Variants in RASSF6 observed in about 807,000 individuals in gnomAD.
The protein encoded by RASSF6 is ras association domain-containing protein 6.
A neutral mutation model predicts 44.0 loss-of-function variants in RASSF6; 52 were observed. That is an observed-to-expected ratio of 1.18 (90% CI 0.95 to 1.49). The LOEUF (loss-of-function observed/expected upper bound fraction) is 1.49, where lower values mean the gene tolerates loss of function less well. Among genes scored for constraint, RASSF6 ranks in the 40% most tolerant of loss-of-function variants. The pLI is 0.00. For synonymous variants in RASSF6, 162 were observed against 124.6 expected, an observed-to-expected ratio of 1.30 and a Z score of -2.00; for missense variants, 464 against 393.3, an observed-to-expected ratio of 1.18 and a Z score of -1.52.
intron 2 of RASSF6, among the ~76,000 whole-genome samples, chr4:73,608,624 T>C (rs1466859154): frequency 6.6e-6 from 1 of 152,246 alleles, no homozygotes. Flanking sequence ...AAATATGCGA[T>C]TAAAATCCTC....
At chr4:73,604,884 C>CTTTT (rs35609056) in intron 2 of RASSF6, among the ~76,000 whole-genome samples, 10 of 138,332 alleles carry the variant, frequency 7.2e-5, no homozygotes, top group Non-Finnish European at 7.7e-5. Context: ...CATTTTCTTT[C>CTTTT]TTTTTTTTTT....
rs200760712 is a variant in RASSF6 at position 73,611,886 on chromosome 4, T to G, written c.-34-57A>C. On this transcript the variant is annotated intron_variant, in intron 1 of 10. Transcript: ENST00000307439. ...CCTATAATGCATTAAAAAATTAGTT[T>G]CTGATTTAAGTTGAGTGTTTTGTTG... The G allele has an allele frequency of 4.8e-6, 6 of 1,238,796 alleles. No homozygotes were observed. The East Asian group carries it at 1.2e-4, about 24-fold the overall frequency. 76.7% of individuals were successfully genotyped at this position (1,238,796 alleles called of 1,614,324 possible). A position where few individuals can be genotyped will look rare whatever the true frequency, so the allele number is the denominator to read the frequency against.
In RASSF6 at chr4:73,598,715, T is replaced by C; in HGVS notation, c.69A>G (p.Glu23=). ...AGGTCTTCAATAAAGAATTAAGTTG[T>C]TCCCTAAAAATAAAAAAAAATTAAT... ...FINEKTFITR[E]QLNSLLKTYN... The change falls in exon 3 of 11, where the codon GAA becomes GAG. Residue 23 remains glutamate, a synonymous_variant. Transcript: ENST00000307439. 2.4e-6 allele frequency: 3 copies of C among 1,252,620 alleles called. No homozygotes were observed. Among genetic ancestry groups the C allele is most frequent in the Non-Finnish European group, 3.2e-6 (3 of 938,630 alleles). 77.6% of individuals were successfully genotyped at this position (1,252,620 alleles called of 1,614,324 possible). A position where few individuals can be genotyped will look rare whatever the true frequency, so the allele number is the denominator to read the frequency against.
At chr4:73,590,762 G>C (rs1302539598) in intron 4 of RASSF6, among the ~76,000 whole-genome samples, 2 of 152,166 alleles carry the variant, frequency 1.3e-5, no homozygotes, top group Non-Finnish European at 2.9e-5. Context: ...GTATGTAAAA[G>C]GAATGGGATC....
At chr4:73,595,033 G>A (rs1724834402) in intron 3 of RASSF6, among the ~76,000 whole-genome samples, 1 of 152,090 alleles carries the variant, frequency 6.6e-6, no homozygotes, top group Non-Finnish European at 1.5e-5. Flanking sequence ...TCCAAGGACT[G>A]CCCCTTTTAA....
intron 2 of RASSF6, among the ~76,000 whole-genome samples, chr4:73,605,803 TA>T (rs1248787647): frequency 2.0e-4 from 31 of 152,342 alleles, no homozygotes; most frequent in African/African-American, 7.5e-4. Flanking sequence ...GACTTTTTTA[TA>T]AAAGCCATTC....
rs772838586 is a variant in RASSF6, at chr4:73,581,820, C to T, written c.718G>A (p.Gly240Arg). 21 of 1,607,428 alleles carry T rather than the reference C, an allele frequency of 1.3e-5. 1 individual carries two copies. The South Asian group carries it at 2.3e-4, about 18-fold the overall frequency. The part of the protein sequence containing the change: ...DFALHIIFAT[G>R]EQRRLKKTDI... ...AAGTGTGATCAAGCTTTCTTACCTCCTGTTGCAAAAATAATGTGAAGAGCA... is the reference window on the plus strand; with the variant it reads ...AAGTGTGATCAAGCTTTCTTACCTCTTGTTGCAAAAATAATGTGAAGAGCA... The change falls in exon 8 of 11, where the codon GGA becomes AGA. Residue 240 changes from glycine (G) to arginine (R), a missense_variant. By Grantham distance (125) the Gly-to-Arg change is moderately radical (BLOSUM62 -2). Coordinates refer to ENST00000307439, the MANE Select transcript of RASSF6 (RefSeq NM_177532.5).
chr4:73,598,656 T>G lies in RASSF6; in HGVS notation c.128A>C (p.His43Pro), dbSNP rs1725090149. Residue 43 changes from histidine (H) to proline (P), a missense_variant, in exon 3 of 11, where the codon CAT becomes CCT. Coordinates refer to ENST00000307439, the MANE Select transcript of RASSF6 (RefSeq NM_177532.5). ...TGGGCTTACCTCTCCATATAAAATA[T>G]GCAGATTTTTCTGGTTCTCATAAAA... Reference protein sequence around the residue: ...NIFYENQKNLHILYGETEDGK... With the variant: ...NIFYENQKNLPILYGETEDGK... 6.5e-7 allele frequency: 1 copy of G among 1,534,480 alleles called. No individual in the cohort carries two copies. The highest frequency in any genetic ancestry group is 1.2e-5 in the South Asian group (1 of 83,590).
intron 2 of RASSF6, among the ~76,000 whole-genome samples, chr4:73,609,709 T>A (rs1725878999): frequency 6.6e-6 from 1 of 152,172 alleles, no homozygotes. Context: ...GAGAGGGAGC[T>A]AAAAAACTAC....
chr4:73,611,923 T>A, intron 1 of RASSF6, 94 bp from the exon 2 acceptor site: 1 of 789,768 alleles, frequency 1.3e-6, no homozygotes, highest in Non-Finnish European at 2.0e-6. Flanking sequence ...GTCTCTAGAG[T>A]ATAAGAAGGT....
intron 1 of RASSF6, among the ~76,000 whole-genome samples, chr4:73,617,563 A>G (rs1370096894): frequency 2.0e-5 from 3 of 152,064 alleles, no homozygotes; most frequent in African/African-American, 7.2e-5. Context: ...CTGTTTGTAT[A>G]TTTGCTGCAA....
chr4:73,606,382 A>G (rs570428869), intron 2 of RASSF6, among the ~76,000 whole-genome samples: 1 of 152,350 alleles, frequency 6.6e-6, no homozygotes, highest in East Asian at 1.9e-4. Context: ...CATGGACACA[A>G]AGATGGGAAC....
In RASSF6 at chr4:73,607,495, A is replaced by C. The variant is rs549888765; in HGVS notation, c.65+4236T>G. ...TCTGTACAAACATTGTTTCTAGGGA[A>C]GCCTTCTTGGAACTCTTGTTTAAAC... On this transcript the variant is annotated intron_variant, in intron 2 of 10. Transcript: ENST00000307439. Among the ~76,000 whole-genome samples, 64 of 152,296 alleles carry C rather than the reference A, an allele frequency of 4.2e-4. 2 individuals are homozygous for C. Among genetic ancestry groups the C allele is most frequent in the African/African-American group, 1.5e-3 (61 of 41,570 alleles).
Position 73,579,214 on chromosome 4 carries a change from C to A in RASSF6, c.722-2483G>T, listed in dbSNP as rs867775410. On this transcript the variant is annotated intron_variant, in intron 8 of 10. Transcript: ENST00000307439. ...TTAATCATTTCCCTAGGATGAGTAA[C>A]TTTGTCTTTAGCTTTTTGTCCTTAT... Among the ~76,000 whole-genome samples, 5 of 152,152 alleles carry A rather than the reference C, an allele frequency of 3.3e-5. No homozygotes were observed. The South Asian group carries it at 1.0e-3, about 32-fold the overall frequency.
chr4:73,618,030 T>A (rs960841733), intron 1 of RASSF6, among the ~76,000 whole-genome samples: 1 of 152,050 alleles, frequency 6.6e-6, no homozygotes, highest in African/African-American at 2.4e-5. Flanking sequence ...CCTTCTTATT[T>A]TAGGAAATTA....
chr4:73,573,492 A>C lies in RASSF6; in HGVS notation c.*2743T>G, dbSNP rs1256644769. The C allele has an allele frequency of 6.6e-6, 1 of 152,164 alleles. No individual in the cohort carries two copies. Among genetic ancestry groups the C allele is most frequent in the East Asian group, 1.9e-4 (1 of 5,206 alleles). 9.4% of individuals were successfully genotyped at this position (152,164 alleles called of 1,614,324 possible). On this transcript the variant is annotated 3_prime_UTR_variant, in exon 11 of 11. Transcript: ENST00000307439. ...TTTAGGCTTTTTATTTCCTTTTGTC[A>C]CAATAAATAACAATATAAAACATAT...
At chr4:73,599,553 C>T (rs1255574896) in intron 2 of RASSF6, among the ~76,000 whole-genome samples, 1 of 152,206 alleles carries the variant, frequency 6.6e-6, no homozygotes, top group Non-Finnish European at 1.5e-5. Context: ...TTATCTCACC[C>T]TTTGTGGCAG....
At chr4:73,592,420 C>G (rs891124930) in intron 4 of RASSF6, among the ~76,000 whole-genome samples, 2 of 151,916 alleles carry the variant, frequency 1.3e-5, no homozygotes, top group Admixed American at 6.6e-5. Flanking sequence ...CTTGGTATCT[C>G]AATGTATATA....
chr4:73,584,284 AT>A (rs1338900203), intron 6 of RASSF6, among the ~76,000 whole-genome samples: 1 of 152,146 alleles, frequency 6.6e-6, no homozygotes, highest in East Asian at 1.9e-4. Context: ...ATGAGTTCCT[AT>A]TTCTTATTAA....
Sources: allele counts gnomAD v4.1 joint callset (sites outside exome capture counted in the v4.1 genomes callset), GRCh38; gene constraint gnomAD v4.1.1; transcripts MANE v1.5; gene names NCBI Gene and HGNC (gene_info 2026-07-23, HGNC 2026-07-21).